Variants in ZNF335 observed in about 807,000 individuals in gnomAD.
ZNF335 encodes the protein zinc finger protein 335.
In ZNF335, 84 loss-of-function variants were observed where a neutral mutation model predicts 145.6. That is an observed-to-expected ratio of 0.58 (90% CI 0.48 to 0.69). The LOEUF is 0.69. Among genes scored for constraint, ZNF335 ranks in the 30% least tolerant of loss-of-function variants. ZNF335 has a pLI of 0.00. For missense variants in ZNF335, 1,865 were observed against 1,809.7 expected, an observed-to-expected ratio of 1.03 and a Z score of -0.55; for synonymous variants, 761 against 717.0, an observed-to-expected ratio of 1.06 and a Z score of -0.98.
In ZNF335 at chr20:45,965,743, C is replaced by A. The variant is rs369786901; in HGVS notation, c.987G>T (p.Glu329Asp). ...GGAGCCGAAGCTGCCGGCCTCGGGG[C>A]TCATCCTCAGCTGGATTATAGTCGC... ...EDSDYNPAEDEPRGRQLRLQR... is the reference protein window; with the variant it reads ...EDSDYNPAEDDPRGRQLRLQR... The change falls in exon 7 of 28, where the codon GAG (glutamate) becomes GAT (aspartate). Residue 329 changes from glutamate to aspartate, a missense_variant. Coordinates refer to ENST00000322927, the MANE Select transcript of ZNF335 (RefSeq NM_022095.4). 1.9e-6 allele frequency: 3 copies of A among 1,605,982 alleles called. No individual in the cohort carries two copies. Among genetic ancestry groups the A allele is most frequent in the Non-Finnish European group, 2.6e-6 (3 of 1,176,368 alleles).
intron 1 of ZNF335, 66 bp downstream of exon 1, chr20:45,972,056 C>T (rs1003426377): frequency 2.2e-5 from 28 of 1,269,828 alleles, no homozygotes; most frequent in Non-Finnish European, 2.7e-5. Context: ...CTCCGGGTAT[C>T]CCCGCAGTGT....
At chr20:45,965,303 G>C (rs1293808769) in intron 7 of ZNF335, among the ~76,000 whole-genome samples, 1 of 151,964 alleles carries the variant, frequency 6.6e-6, no homozygotes, top group African/African-American at 2.4e-5. Flanking sequence ...GATAGTCCCA[G>C]GCCTCAGACT....
intron 17 of ZNF335, among the ~76,000 whole-genome samples, chr20:45,954,497 CAG>C (rs1485209028): frequency 1.5e-4 from 23 of 152,170 alleles, no homozygotes; most frequent in African/African-American, 5.5e-4. Context: ...AGAATTGGGA[CAG>C]GGAGATTTTT....
At chr20:45,971,663 C>T (rs1272481766) in intron 1 of ZNF335, 1 of 985,482 alleles carries the variant, frequency 1.0e-6, no homozygotes, top group Non-Finnish European at 1.2e-6. Flanking sequence ...AGGCCCTTCC[C>T]GGGAGGGTGG....
At chr20:45,949,932 C>A in intron 23 of ZNF335, 34 bp downstream of exon 23, 1 of 1,614,072 alleles carries the variant, frequency 6.2e-7, no homozygotes, top group Non-Finnish European at 8.5e-7. Context: ...CCCTGCCTGT[C>A]GCTGGCCAGA....
intron 17 of ZNF335, among the ~76,000 whole-genome samples, chr20:45,957,333 A>G (rs1190046494): frequency 6.6e-6 from 1 of 152,232 alleles, no homozygotes. Flanking sequence ...CCGCAGGGGC[A>G]GTGTGTACTG....
Position 45,971,399 on chromosome 20 carries a change from G to A in ZNF335, c.12C>T (p.Asn4=), listed in dbSNP as rs1345302516. 3 of 1,600,376 alleles carry A rather than the reference G, an allele frequency of 1.9e-6. No individual in the cohort carries two copies. In the African/African-American group the frequency reaches 4.0e-5, roughly 21 times the overall value. ...CCGCGTCGCTGCTGCTCTCCACCTCGTTCTCCTCCATCTGATCGGCGGGCT... is the reference window on the plus strand; with the variant it reads ...CCGCGTCGCTGCTGCTCTCCACCTCATTCTCCTCCATCTGATCGGCGGGCT... The part of the protein sequence containing the change: MEE[N]EVESSSDAAP... Residue 4 remains asparagine, a synonymous_variant, in exon 2 of 28, where the codon AAC becomes AAT. Coordinates refer to ENST00000322927, the MANE Select transcript of ZNF335 (RefSeq NM_022095.4).
rs2083979375 is a variant in ZNF335, at chr20:45,967,608, T to C, written c.841A>G (p.Lys281Glu). ...CTCCACTTCCGTAGACGTCCTTTTT[T>C]ACCAGCTGCTGCTGCGGCTGCTGCT... is the stretch of plus-strand genomic sequence containing the variant. ...PVAAAAAAAG[K>E]KGRLRKWSTS... The change falls in exon 6 of 28, where the codon AAA becomes GAA. Residue 281 changes from lysine to glutamate, a missense_variant. Lys to Glu is a moderately conservative substitution (Grantham distance 56). Transcript: ENST00000322927. 1 of 1,614,144 alleles carries C rather than the reference T, an allele frequency of 6.2e-7. No individual in the cohort carries two copies. Among genetic ancestry groups the C allele is most frequent in the African/African-American group, 1.3e-5 (1 of 75,050 alleles).
At position 45,949,338 on chromosome 20, in the gene ZNF335, A is replaced by T; in HGVS notation, c.3814T>A (p.Ser1272Thr). 1 of 1,613,966 alleles carries T rather than the reference A, an allele frequency of 6.2e-7. No individual in the cohort carries two copies. Among genetic ancestry groups the T allele is most frequent in the Non-Finnish European group, 8.5e-7 (1 of 1,179,980 alleles). The change falls in exon 26 of 28, where the codon TCC (serine) becomes ACC (threonine). Residue 1272 changes from serine (S) to threonine (T), a missense_variant. Physicochemically the swap from Ser to Thr is moderately conservative, Grantham distance 58. Coordinates refer to ENST00000322927, the MANE Select transcript of ZNF335 (RefSeq NM_022095.4). ...YEQGAPFLQE[S>T]QIQYVPVSPG... ...CTGTCCCCCCACGGCCCTACCTGGGACTCCTGAAGGAACGGGGCTCCTTGT... is the reference window on the plus strand; with the variant it reads ...CTGTCCCCCCACGGCCCTACCTGGGTCTCCTGAAGGAACGGGGCTCCTTGT...
chr20:45,957,705 G>C (rs1441890134), intron 16 of ZNF335, 25 bp from the exon 17 acceptor site: 1 of 1,613,222 alleles, frequency 6.2e-7, no homozygotes, highest in African/African-American at 1.3e-5. Context: ...ACCTAAGCCT[G>C]ACAAAGTGCT....
intron 17 of ZNF335, among the ~76,000 whole-genome samples, chr20:45,955,741 A>T (rs1168759509): frequency 6.6e-6 from 1 of 151,760 alleles, no homozygotes; most frequent in Non-Finnish European, 1.5e-5. Flanking sequence ...AATCATTTGA[A>T]CCCAGGAGGC....
chr20:45,949,212 T>C lies in ZNF335; in HGVS notation c.3859A>G (p.Thr1287Ala). The change falls in exon 27 of 28, where the codon ACA becomes GCA. Residue 1287 changes from threonine (T) to alanine (A), a missense_variant. Transcript: ENST00000322927. ...VPVSPGQQLV[T>A]QAQLEAAAHS... Reference sequence around the variant, plus strand: ...GCTGCAGCCTCAAGTTGAGCCTGTGTGACAAGCTGCTGGCCTGGGGACACA... The same window carrying C: ...GCTGCAGCCTCAAGTTGAGCCTGTGCGACAAGCTGCTGGCCTGGGGACACA... 6.2e-7 allele frequency: 1 copy of C among 1,613,890 alleles called. No individual in the cohort carries two copies. Among genetic ancestry groups the C allele is most frequent in the East Asian group, 2.2e-5 (1 of 44,874 alleles).
Position 45,965,762 on chromosome 20 carries a change from T to C in ZNF335, c.968A>G (p.Tyr323Cys), listed in dbSNP as rs1331501126. The change falls in exon 7 of 28, where the codon TAT (tyrosine) becomes TGT (cysteine). Residue 323 changes from tyrosine to cysteine, a missense_variant. Coordinates refer to ENST00000322927, the MANE Select transcript of ZNF335 (RefSeq NM_022095.4). ...TCGGGGCTCATCCTCAGCTGGATTA[T>C]AGTCGCTATCCTCTGTGGGGGACAG... is the stretch of plus-strand genomic sequence containing the variant. Reference protein sequence around the residue: ...AIDDLEEDSDYNPAEDEPRGR... With the variant: ...AIDDLEEDSDCNPAEDEPRGR... 3 of 1,604,470 alleles carry C rather than the reference T, an allele frequency of 1.9e-6. No individual in the cohort carries two copies. The highest frequency in any genetic ancestry group is 3.4e-5 in the Admixed American group (2 of 59,384).
At chr20:45,962,560 AG>A (rs2083864116) in intron 9 of ZNF335, among the ~76,000 whole-genome samples, 1 of 152,200 alleles carries the variant, frequency 6.6e-6, no homozygotes, top group Non-Finnish European at 1.5e-5. Context: ...CCCACAGCAC[AG>A]CGTGCACAGA....
chr20:45,956,149 ACTGGGTAT>A (rs1421901597), intron 17 of ZNF335, among the ~76,000 whole-genome samples: 3 of 152,170 alleles, frequency 2.0e-5, no homozygotes, highest in Non-Finnish European at 2.9e-5. Context: ...GAACCCATTT[ACTGGGTAT>A]CTGATGGGAG....
At chr20:45,956,465 T>G (rs1205606095) in intron 17 of ZNF335, among the ~76,000 whole-genome samples, 1 of 152,084 alleles carries the variant, frequency 6.6e-6, no homozygotes. Context: ...TGACCTCAGG[T>G]GATCCAGCCA....
At position 45,950,719 on chromosome 20, in the gene ZNF335, T is replaced by C. The variant is rs1041489477; in HGVS notation, c.3190-124A>G. ...TGGACCTGGGAAAACCAAAATCCTG[T>C]GCACTAACAAGAAGCTGGGTAGAAA... On this transcript the variant is annotated intron_variant, in intron 20 of 27. Coordinates refer to ENST00000322927, the MANE Select transcript of ZNF335 (RefSeq NM_022095.4). 11 of 1,353,926 alleles carry C rather than the reference T, an allele frequency of 8.1e-6. No individual in the cohort carries two copies. The African/African-American group carries it at 1.2e-4, about 14-fold the overall frequency. 83.9% of individuals were successfully genotyped at this position (1,353,926 alleles called of 1,614,324 possible).
intron 1 of ZNF335, 100 bp from the exon 2 acceptor site, chr20:45,971,560 C>G (rs1215461074): frequency 1.0e-5 from 15 of 1,459,022 alleles, no homozygotes; most frequent in South Asian, 1.4e-5. Context: ...TTTGCAGATG[C>G]GAAGATTGAG....
chr20:45,955,497 C>A (rs980277431), intron 17 of ZNF335, among the ~76,000 whole-genome samples: 2 of 151,928 alleles, frequency 1.3e-5, no homozygotes, highest in Admixed American at 6.6e-5. Flanking sequence ...CCCACTAATT[C>A]TTCTTGTAGG....
Sources: allele counts gnomAD v4.1 joint callset (sites outside exome capture counted in the v4.1 genomes callset), GRCh38; gene constraint gnomAD v4.1.1; transcripts MANE v1.5; gene names NCBI Gene and HGNC (gene_info 2026-07-23, HGNC 2026-07-21).